Variants in EFR3A observed in about 807,000 individuals in gnomAD.
EFR3A encodes the protein protein EFR3 homolog A.
In EFR3A, 76 loss-of-function variants were observed where a neutral mutation model predicts 104.4. The observed-to-expected ratio is 0.73, with a 90% CI of 0.60 to 0.88. The LOEUF (loss-of-function observed/expected upper bound fraction) is 0.88. EFR3A is among the 40% of genes least tolerant of loss of function. EFR3A has a pLI of 0.00. For missense variants in EFR3A, 985 were observed against 1,012.5 expected (o/e 0.97, Z 0.37); for synonymous variants, 330 against 330.0 (o/e 1.00, Z 0.00).
intron 2 of EFR3A, among the ~76,000 whole-genome samples, chr8:131,942,421 G>A (rs1004984339): frequency 6.6e-6 from 1 of 152,104 alleles, no homozygotes; most frequent in Admixed American, 6.6e-5. Context: ...CCTTGAAAGA[G>A]AAATCTAGTA....
intron 16 of EFR3A, 130 bp downstream of exon 16, chr8:131,985,190 G>C: frequency 2.1e-6 from 2 of 933,254 alleles, no homozygotes; most frequent in East Asian, 4.9e-5. Context: ...TCTACAGCCA[G>C]TAAACTGAAA....
At chr8:131,983,939 C>G (rs1586650342) in intron 14 of EFR3A, among the ~76,000 whole-genome samples, 200 bp from the exon 15 acceptor site, 1 of 152,126 alleles carries the variant, frequency 6.6e-6, no homozygotes, top group African/African-American at 2.4e-5. Context: ...TTGTCTTCAA[C>G]TTTAACATTA....
chr8:132,003,326 C>A (rs758031579), intron 22 of EFR3A, 41 bp downstream of exon 22: 8 of 1,526,410 alleles, frequency 5.2e-6, no homozygotes, highest in Non-Finnish European at 7.2e-6. Context: ...CACACACACA[C>A]GAATAGAAAC....
intron 18 of EFR3A, among the ~76,000 whole-genome samples, chr8:131,988,775 C>T (rs550303012): frequency 6.6e-6 from 1 of 152,214 alleles, no homozygotes; most frequent in East Asian, 1.9e-4. Context: ...TGCCTTTTCC[C>T]TTACCTGTCC....
chr8:132,004,224 A>G (rs1821923648), intron 22 of EFR3A, among the ~76,000 whole-genome samples: 1 of 152,212 alleles, frequency 6.6e-6, no homozygotes, highest in African/African-American at 2.4e-5. Flanking sequence ...TCAGACTAAA[A>G]TATTCAATAT....
intron 7 of EFR3A, 71 bp downstream of exon 7, chr8:131,955,976 G>A (rs1818968156): frequency 9.7e-6 from 15 of 1,548,640 alleles, no homozygotes; most frequent in Non-Finnish European, 1.3e-5. Flanking sequence ...TATTTATAGA[G>A]GACAACTACT....
intron 1 of EFR3A, among the ~76,000 whole-genome samples, chr8:131,910,941 C>T (rs79114965): frequency 0.02 from 3,003 of 152,172 alleles, 47 homozygotes; most frequent in South Asian, 0.042. Flanking sequence ...CAATATGGCC[C>T]GCAACTGCTT....
Position 131,984,149 on chromosome 8 carries a change from A to G in EFR3A, c.1586A>G (p.Gln529Arg). 6.2e-7 allele frequency: 1 copy of G among 1,604,108 alleles called. No homozygotes were observed. Among genetic ancestry groups the G allele is most frequent in the Non-Finnish European group, 8.5e-7 (1 of 1,176,458 alleles). The part of the protein sequence containing the change: ...DTSFMKKNGQ[Q>R]LYRHIYLGCK... ...GTCTTTTCTCCTCAGAATGGGCAAC[A>G]GCTGTATCGGCACATATATTTGGGT... Residue 529 changes from glutamine (Q) to arginine (R), a missense_variant, in exon 15 of 23, where the codon CAG (glutamine) becomes CGG (arginine). Physicochemically the swap from Gln to Arg is conservative, Grantham distance 43. Coordinates refer to ENST00000254624, the MANE Select transcript of EFR3A (RefSeq NM_015137.6).
intron 8 of EFR3A, among the ~76,000 whole-genome samples, chr8:131,965,899 A>G (rs546554642): frequency 1.4e-3 from 218 of 152,234 alleles, no homozygotes; most frequent in African/African-American, 4.9e-3. Context: ...TGATGAGTTC[A>G]TGTCCTTTGT....
At chr8:131,973,911 AT>A (rs569929722) in intron 10 of EFR3A, among the ~76,000 whole-genome samples, 69 of 152,332 alleles carry the variant, frequency 4.5e-4, no homozygotes, top group Middle Eastern at 3.4e-3. Context: ...TTAAAAAAAA[AT>A]CAAAGCAATT....
intron 1 of EFR3A, among the ~76,000 whole-genome samples, chr8:131,929,623 G>A (rs976218182): frequency 3.9e-5 from 6 of 152,150 alleles, no homozygotes; most frequent in Admixed American, 6.6e-5. Flanking sequence ...GCCAGGGATT[G>A]TGGCCTGTAT....
chr8:131,977,876 A>G (rs533416984), intron 12 of EFR3A, among the ~76,000 whole-genome samples: 3 of 152,116 alleles, frequency 2.0e-5, no homozygotes, highest in Middle Eastern at 3.2e-3. Context: ...TGTATCTTAT[A>G]TAAGAACTCC....
intron 1 of EFR3A, among the ~76,000 whole-genome samples, chr8:131,910,094 G>A (rs1816442050): frequency 6.6e-6 from 1 of 152,138 alleles, no homozygotes; most frequent in South Asian, 2.1e-4. Context: ...CTTTGATACT[G>A]TACTTTTCCA....
Position 131,996,497 on chromosome 8 carries a change from G to A in EFR3A, c.2157G>A (p.Val719=), listed in dbSNP as rs770511368. ...CCAACAATGTTCCTTCTGATGATGT[G>A]GTAAGTTACTGAAAGTTTATGGTAG... The part of the protein sequence containing the change: ...ILSNNVPSDD[V]VSNTEEITFE... Residue 719 remains valine (V), a splice_region_variant and synonymous_variant, in exon 19 of 23, where the codon GTG becomes GTA. Coordinates refer to ENST00000254624, the MANE Select transcript of EFR3A (RefSeq NM_015137.6). 15 of 1,583,532 alleles carry A rather than the reference G, an allele frequency of 9.5e-6. No individual in the cohort carries two copies. The highest frequency in any genetic ancestry group is 1.3e-5 in the Non-Finnish European group (15 of 1,164,784).
At chr8:131,979,573 G>A (rs1434523962) in intron 14 of EFR3A, among the ~76,000 whole-genome samples, 152 bp downstream of exon 14, 1 of 152,050 alleles carries the variant, frequency 6.6e-6, no homozygotes, top group East Asian at 1.9e-4. Context: ...TCCCTCAAGT[G>A]TAACATTCCT....
intron 1 of EFR3A, among the ~76,000 whole-genome samples, chr8:131,921,827 A>T (rs1392897628): frequency 6.6e-6 from 1 of 152,188 alleles, no homozygotes; most frequent in Non-Finnish European, 1.5e-5. Flanking sequence ...ACCTGAAGTC[A>T]TTTTGGCATT....
rs112997456 is a variant in EFR3A at position 131,977,069 on chromosome 8, A to G, written c.1303A>G (p.Met435Val). The G allele has an allele frequency of 6.2e-7, 1 of 1,603,616 alleles. No homozygotes were observed. Among genetic ancestry groups the G allele is most frequent in the Non-Finnish European group, 8.5e-7 (1 of 1,174,584 alleles). The change falls in exon 12 of 23, where the codon ATG becomes GTG. Residue 435 changes from methionine (M) to valine (V), a missense_variant. Physicochemically the swap from Met to Val is conservative, Grantham distance 21 (BLOSUM62 1). Coordinates refer to ENST00000254624, the MANE Select transcript of EFR3A (RefSeq NM_015137.6). ...GDLGTRRIQI[M>V]LLRSLLMVTS... ...TTTGGGAACCAGGAGAATTCAGATA[A>G]TGTTGCTGAGATCTTTGCTTATGGT...
intron 14 of EFR3A, among the ~76,000 whole-genome samples, 166 bp downstream of exon 14, chr8:131,979,587 G>C (rs1158347365): frequency 6.6e-6 from 1 of 151,962 alleles, no homozygotes; most frequent in Non-Finnish European, 1.5e-5. Context: ...CATTCCTGTC[G>C]GTGTCTCCTC....
At chr8:131,912,435 C>T (rs994445376) in intron 1 of EFR3A, among the ~76,000 whole-genome samples, 1 of 152,154 alleles carries the variant, frequency 6.6e-6, no homozygotes, top group African/African-American at 2.4e-5. Context: ...CATTTTTGGT[C>T]TCTTAGATTA....
Sources: allele counts gnomAD v4.1 joint callset (sites outside exome capture counted in the v4.1 genomes callset), GRCh38; gene constraint gnomAD v4.1.1; transcripts MANE v1.5; gene names NCBI Gene and HGNC (gene_info 2026-07-23, HGNC 2026-07-21).